The following NTN1 variants were observed in gnomAD, a reference collection of about 807,000 sequenced individuals.
The protein encoded by NTN1 is netrin-1.
Under a neutral mutation model 54.2 loss-of-function variants are expected in NTN1, and 11 were observed. The ratio of observed to expected loss-of-function variants is 0.20; its 90% confidence interval spans 0.13 to 0.34. The LOEUF (loss-of-function observed/expected upper bound fraction) is 0.34. NTN1 is among the 10% of genes least tolerant of loss of function. The pLI, the probability that NTN1 is intolerant of heterozygous loss-of-function variation, is 1.00. For synonymous variants in NTN1, 371 were observed against 382.0 expected (o/e 0.97, Z 0.33); for missense variants, 740 against 893.1 (o/e 0.83, Z 2.18).
intron 2 of NTN1, among the ~76,000 whole-genome samples, chr17:9,159,923 A>G (rs931205485): frequency 1.3e-5 from 2 of 152,200 alleles, no homozygotes; most frequent in African/African-American, 4.8e-5. Flanking sequence ...ACAAATATAT[A>G]TGTTCAAAGG....
At chr17:9,190,427 A>G (rs1449025946) in intron 5 of NTN1, among the ~76,000 whole-genome samples, 1 of 152,252 alleles carries the variant, frequency 6.6e-6, no homozygotes, top group Non-Finnish European at 1.5e-5. Flanking sequence ...AGGATTGCCA[A>G]TAATTTTTTT....
At chr17:9,073,945 G>A (rs1333643992) in intron 2 of NTN1, among the ~76,000 whole-genome samples, 1 of 152,220 alleles carries the variant, frequency 6.6e-6, no homozygotes, top group Admixed American at 6.5e-5. Flanking sequence ...GGGAATCAGA[G>A]GAGTGGGAAA....
intron 2 of NTN1, among the ~76,000 whole-genome samples, chr17:9,126,383 G>T (rs576285699): frequency 1.3e-5 from 2 of 152,326 alleles, no homozygotes; most frequent in South Asian, 4.1e-4. Flanking sequence ...GGTGGCGCAT[G>T]CCTGTAATCC....
At chr17:9,056,945 T>C (rs1445807874) in intron 2 of NTN1, among the ~76,000 whole-genome samples, 2 of 152,200 alleles carry the variant, frequency 1.3e-5, no homozygotes, top group African/African-American at 2.4e-5. Context: ...GTGCTTGCTG[T>C]GTGCCCCCCG....
rs1006362161 is a variant in NTN1 at position 9,219,809 on chromosome 17, C to T, written c.1412-1359C>T. 6.6e-6 allele frequency among the ~76,000 whole-genome samples: 1 copy of T among 152,264 alleles called. No homozygotes were observed. Among genetic ancestry groups the T allele is most frequent in the Non-Finnish European group, 1.5e-5 (1 of 68,046 alleles). On this transcript the variant is annotated intron_variant, in intron 5 of 6. Transcript: ENST00000173229. This position sits in a 1 kb window ranked among gnomAD's most constrained non-coding sequence, Gnocchi z 4.5. ...CTGCGGGATAGGACGCTGCCACCTG[C>T]CCCTGGAGCAGCCGCCCGTGTGTGT...
At chr17:9,016,123 AG>A in the NTN1 span, among the ~76,000 whole-genome samples, 1 of 152,106 alleles carries the variant, frequency 6.6e-6, no homozygotes, top group Admixed American at 6.6e-5. Flanking sequence ...TGTTCCTTTA[AG>A]GCCAGAACCA....
chr17:9,133,090 A>G (rs1236142965), intron 2 of NTN1, among the ~76,000 whole-genome samples: 9 of 95,018 alleles, frequency 9.5e-5, no homozygotes, highest in Non-Finnish European at 2.1e-4. Flanking sequence ...ACCTTCACCC[A>G]GTGCGAGCCA....
At chr17:9,217,594 C>T (rs1203483297) in intron 5 of NTN1, among the ~76,000 whole-genome samples, 1 of 152,132 alleles carries the variant, frequency 6.6e-6, no homozygotes, top group African/African-American at 2.4e-5. Flanking sequence ...CCAGTGACCT[C>T]AGCTATCTGG....
chr17:9,116,019 C>T (rs1376754053), intron 2 of NTN1, among the ~76,000 whole-genome samples: 2 of 152,246 alleles, frequency 1.3e-5, no homozygotes, highest in South Asian at 4.1e-4. Context: ...TTTGTTTCTC[C>T]GGGGGCAGAT....
chr17:9,193,924 A>AAAAAAAAAAAAAACAAAAC (rs1904541679), intron 5 of NTN1, among the ~76,000 whole-genome samples: 2 of 133,090 alleles, frequency 1.5e-5, no homozygotes, highest in African/African-American at 5.7e-5. Context: ...TCCGACTAAA[A>AAAAAAAAAAAAAACAAAAC]AAAAAAAAAA....
the NTN1 span, among the ~76,000 whole-genome samples, chr17:9,008,296 TAA>T: frequency 7.2e-6 from 1 of 139,600 alleles, no homozygotes; most frequent in Non-Finnish European, 1.5e-5. Flanking sequence ...CTTTTTAATT[TAA>T]GTTAATTAAT....
In NTN1 at chr17:9,219,788, G is replaced by T. The variant is rs776021694; in HGVS notation, c.1412-1380G>T. On this transcript the variant is annotated intron_variant, in intron 5 of 6. Coordinates refer to ENST00000173229, the MANE Select transcript of NTN1 (RefSeq NM_004822.3). The surrounding 1 kb of genome is among the most constrained non-coding windows in gnomAD (Gnocchi z 4.5). ...CCTTGACCTTTGTTTTCCCCTCTGC[G>T]GGATAGGACGCTGCCACCTGCCCCT... is the stretch of plus-strand genomic sequence containing the variant. 1.3e-5 allele frequency among the ~76,000 whole-genome samples: 2 copies of T among 152,188 alleles called. No homozygotes were observed. The highest frequency in any genetic ancestry group is 2.4e-5 in the African/African-American group (1 of 41,448).
At chr17:9,120,776 T>C (rs75575648) in intron 2 of NTN1, among the ~76,000 whole-genome samples, 1,668 of 152,336 alleles carry the variant, frequency 0.011, 38 homozygotes, top group African/African-American at 0.039. Flanking sequence ...GTCTGGGGCT[T>C]ACATTACCCC....
In NTN1 at chr17:9,107,766, C is replaced by T. The variant is rs538543189; in HGVS notation, c.1019-55047C>T. On this transcript the variant is annotated intron_variant, in intron 2 of 6. Coordinates refer to ENST00000173229, the MANE Select transcript of NTN1 (RefSeq NM_004822.3). ...GTTTAAGTACTGTTATAGCTGCTTTCGCACTGCAATGTCGGTGTTAAGTCA... is the reference window on the plus strand; with the variant it reads ...GTTTAAGTACTGTTATAGCTGCTTTTGCACTGCAATGTCGGTGTTAAGTCA... 7.2e-5 allele frequency among the ~76,000 whole-genome samples: 11 copies of T among 152,344 alleles called. No homozygotes were observed. The East Asian group carries it at 1.3e-3, about 19-fold the overall frequency.
chr17:9,070,077 C>T (rs2092027624), intron 2 of NTN1, among the ~76,000 whole-genome samples: 2 of 152,150 alleles, frequency 1.3e-5, no homozygotes, highest in South Asian at 4.2e-4. Flanking sequence ...GACTAGTGGA[C>T]TAAGAGGTTG....
chr17:9,082,258 G>A (rs1307265723), intron 2 of NTN1, among the ~76,000 whole-genome samples: 1 of 152,072 alleles, frequency 6.6e-6, no homozygotes, highest in Non-Finnish European at 1.5e-5. Context: ...ACGGGGTTTT[G>A]CCACGTTGGC....
At chr17:9,048,870 G>A (rs1018574780) in intron 2 of NTN1, among the ~76,000 whole-genome samples, 4 of 152,086 alleles carry the variant, frequency 2.6e-5, no homozygotes, top group African/African-American at 7.2e-5. Flanking sequence ...TGTTCAGGCC[G>A]GTCTCAAACT....
intron 3 of NTN1, among the ~76,000 whole-genome samples, chr17:9,164,832 A>C (rs890657008): frequency 6.6e-6 from 1 of 152,200 alleles, no homozygotes; most frequent in African/African-American, 2.4e-5. Flanking sequence ...AATCCCCCAG[A>C]AGACTGAGCA....
rs1175373746 is a variant in NTN1, at chr17:9,176,229, ATGTC to A, written c.1208-3574_1208-3571del. The A allele has an allele frequency of 5.9e-5, 9 of 152,482 alleles. No homozygotes were observed. In the East Asian group the frequency reaches 1.7e-3, roughly 29 times the overall value. The allele number at this position is 152,482 out of a possible 1,614,324, so 9.4% of individuals were successfully genotyped here. On this transcript the variant is annotated intron_variant, in intron 3 of 6. Transcript: ENST00000173229. The stretch of plus-strand genomic sequence containing the variant: ...TGTGTGGCTTTGTGGATCTGAGTAT[ATGTC>A]TGTGCGTGGGTGAGTTTGTAGATAA...
Sources: gnomAD v4.1 joint callset for allele counts (sites outside exome capture counted in the v4.1 genomes callset) on GRCh38, gnomAD v4.1.1 for gene constraint, Gnocchi (gnomAD v3.1) non-coding constraint, MANE v1.5 for transcripts, NCBI Gene and HGNC (gene_info 2026-07-23, HGNC 2026-07-21) for gene names.